The following CHDH variants were observed in gnomAD, a reference collection of about 807,000 sequenced individuals.
The protein encoded by CHDH is choline dehydrogenase, mitochondrial.
Under a neutral mutation model 56.9 loss-of-function variants are expected in CHDH, and 43 were observed. The ratio of observed to expected loss-of-function variants is 0.76; its 90% confidence interval spans 0.59 to 0.97. The LOEUF (loss-of-function observed/expected upper bound fraction) is 0.97. Among genes scored for constraint, CHDH ranks in the 50% least tolerant of loss-of-function variants. CHDH has a pLI of 0.00. For synonymous variants in CHDH, 364 were observed against 348.5 expected (o/e 1.04, Z -0.50); for missense variants, 816 against 821.1 (o/e 0.99, Z 0.08).
At position 53,819,734 on chromosome 3, in the gene CHDH, T is replaced by G. The variant is rs2095622597; in HGVS notation, c.1121-60A>C. On this transcript the variant is annotated intron_variant, in intron 6 of 8. Transcript: ENST00000315251. The surrounding 1 kb of genome is among the most constrained non-coding windows in gnomAD (Gnocchi z 5.4). ...GTCAGGCCGTGGCAGGTGGGCCGGCTGCTCCTGGTTTCCCTCCTTTCTCCT... is the reference window on the plus strand; with the variant it reads ...GTCAGGCCGTGGCAGGTGGGCCGGCGGCTCCTGGTTTCCCTCCTTTCTCCT... 1 of 1,480,526 alleles carries G rather than the reference T, an allele frequency of 6.8e-7. No individual in the cohort carries two copies. The highest frequency in any genetic ancestry group is 1.4e-5 in the African/African-American group (1 of 70,936). The allele number at this position is 1,480,526 out of a possible 1,614,324, so 91.7% of individuals were successfully genotyped here. A position where few individuals can be genotyped will look rare whatever the true frequency, so the allele number is the denominator to read the frequency against.
In CHDH at chr3:53,819,764, G is replaced by C; in HGVS notation, c.1121-90C>G. On this transcript the variant is annotated intron_variant, in intron 6 of 8. Transcript: ENST00000315251. The surrounding 1 kb of genome is among the most constrained non-coding windows in gnomAD (Gnocchi z 5.4). ...CTGGTTTCCCTCCTTTCTCCTGGCC[G>C]CTCCTCTTCCTTTTCCCGGACTCCA... 2.8e-6 allele frequency: 4 copies of C among 1,413,590 alleles called. No individual in the cohort carries two copies. In the South Asian group the frequency reaches 5.9e-5, roughly 21 times the overall value. 87.6% of individuals were successfully genotyped at this position (1,413,590 alleles called of 1,614,324 possible).
intron 2 of CHDH, among the ~76,000 whole-genome samples, chr3:53,825,185 C>T (rs560777713): frequency 6.6e-6 from 1 of 152,302 alleles, no homozygotes; most frequent in South Asian, 2.1e-4. Flanking sequence ...TACTGTTTAC[C>T]TCAGTCTCCA....
In CHDH at chr3:53,820,455, T is replaced by G; in HGVS notation, c.1120+19A>C. 6.2e-7 allele frequency: 1 copy of G among 1,600,956 alleles called. No individual in the cohort carries two copies. The highest frequency in any genetic ancestry group is 8.5e-7 in the Non-Finnish European group (1 of 1,173,626). On this transcript the variant is annotated intron_variant, in intron 6 of 8. Transcript: ENST00000315251. ...GCTTATAGGCAGTCTCCTCCCAGGT[T>G]ACTGGTAAGCGTGCTCACCTGTGAA...
In CHDH at chr3:53,819,794, A is replaced by C. The variant is rs1361877565; in HGVS notation, c.1121-120T>G. 1 of 1,254,468 alleles carries C rather than the reference A, an allele frequency of 8.0e-7. No homozygotes were observed. The highest frequency in any genetic ancestry group is 1.5e-5 in the African/African-American group (1 of 65,666). 77.7% of individuals were successfully genotyped at this position (1,254,468 alleles called of 1,614,324 possible). A position where few individuals can be genotyped will look rare whatever the true frequency, so the allele number is the denominator to read the frequency against. ...TCTTCCTTTTCCCGGACTCCACTCTAGTGCCTGGACCCAAGTCCTGTCCAC... is the reference window on the plus strand; with the variant it reads ...TCTTCCTTTTCCCGGACTCCACTCTCGTGCCTGGACCCAAGTCCTGTCCAC... On this transcript the variant is annotated intron_variant, in intron 6 of 8. Transcript: ENST00000315251. This position sits in a 1 kb window ranked among gnomAD's most constrained non-coding sequence, Gnocchi z 5.4.
rs1159034366 is a variant in CHDH at position 53,814,572 on chromosome 3, G to A, written c.*3205C>T. ...ATGGTATTTTATCTTTAAAAAATCTGTATTGGATCTGATGTTAAGTTGGCT... is the reference window on the plus strand; with the variant it reads ...ATGGTATTTTATCTTTAAAAAATCTATATTGGATCTGATGTTAAGTTGGCT... On this transcript the variant is annotated 3_prime_UTR_variant, in exon 9 of 9. Transcript: ENST00000315251. 6.6e-6 allele frequency: 1 copy of A among 152,164 alleles called. No homozygotes were observed. The highest frequency in any genetic ancestry group is 1.5e-5 in the Non-Finnish European group (1 of 68,030). The allele number at this position is 152,164 out of a possible 1,614,324, so 9.4% of individuals were successfully genotyped here.
Position 53,819,121 on chromosome 3 carries a change from G to C in CHDH, c.1264-81C>G, listed in dbSNP as rs1419330451. ...TCTGTCAACCCTGGTTTACCTGTAG[G>C]GTGGGCCTCTGCTTCCAGAATCAGT... is the stretch of plus-strand genomic sequence containing the variant. On this transcript the variant is annotated intron_variant, in intron 7 of 8. Transcript: ENST00000315251. The surrounding 1 kb of genome is among the most constrained non-coding windows in gnomAD (Gnocchi z 5.4). 11 of 964,782 alleles carry C rather than the reference G, an allele frequency of 1.1e-5. No homozygotes were observed. The highest frequency in any genetic ancestry group is 1.4e-5 in the Non-Finnish European group (9 of 625,644). 59.8% of individuals were successfully genotyped at this position (964,782 alleles called of 1,614,324 possible).
intron 3 of CHDH, among the ~76,000 whole-genome samples, chr3:53,823,051 A>G (rs1334151528): frequency 6.6e-6 from 1 of 152,132 alleles, no homozygotes; most frequent in Non-Finnish European, 1.5e-5. Context: ...CAGAGAGCTG[A>G]TTCTCTGTTA....
In CHDH at chr3:53,821,731, A is replaced by G; in HGVS notation, c.901T>C (p.Ser301Pro). ...CCAGAGAGCATGAGCAGCTGTGGAGAGTTGATGGCACCTCCACTCAGAATC... is the reference window on the plus strand; with the variant it reads ...CCAGAGAGCATGAGCAGCTGTGGAGGGTTGATGGCACCTCCACTCAGAATC... ...EVILSGGAIN[S>P]PQLLMLSGIG... The change falls in exon 5 of 9, where the codon TCT becomes CCT. Residue 301 changes from serine (S) to proline (P), a missense_variant. By Grantham distance (74) the Ser-to-Pro change is moderately conservative. Transcript: ENST00000315251. The G allele has an allele frequency of 1.2e-6, 2 of 1,613,976 alleles. No homozygotes were observed. The highest frequency in any genetic ancestry group is 1.7e-6 in the Non-Finnish European group (2 of 1,179,938).
intron 2 of CHDH, among the ~76,000 whole-genome samples, chr3:53,834,282 C>T (rs193037063): frequency 6.6e-5 from 10 of 152,178 alleles, no homozygotes; most frequent in Non-Finnish European, 1.0e-4. Context: ...CCTGTCTCTA[C>T]TAAAAATACA....
intron 3 of CHDH, 92 bp downstream of exon 3, chr3:53,823,214 G>A: frequency 8.2e-7 from 1 of 1,212,350 alleles, no homozygotes; most frequent in Admixed American, 3.0e-5. Flanking sequence ...TCCTGACCAT[G>A]CTGGAGCCAG....
At position 53,824,077 on chromosome 3, in the gene CHDH, G is replaced by C; in HGVS notation, c.-59-10C>G. On this transcript the variant is annotated splice_polypyrimidine_tract_variant and intron_variant, in intron 2 of 8. Coordinates refer to ENST00000315251, the MANE Select transcript of CHDH (RefSeq NM_018397.5). ...GATGACTCACTTCTCCCTAAAACAGGAAGAGGGGCTTTAAAAATCTTAACT... is the reference window on the plus strand; with the variant it reads ...GATGACTCACTTCTCCCTAAAACAGCAAGAGGGGCTTTAAAAATCTTAACT... 1 of 1,352,154 alleles carries C rather than the reference G, an allele frequency of 7.4e-7. No homozygotes were observed. The highest frequency in any genetic ancestry group is 9.6e-7 in the Non-Finnish European group (1 of 1,040,418). The allele number at this position is 1,352,154 out of a possible 1,614,324, so 83.8% of individuals were successfully genotyped here.
intron 1 of CHDH, 34 bp from the exon 2 acceptor site, chr3:53,841,033 G>C (rs1421792195): frequency 7.0e-6 from 1 of 143,154 alleles, no homozygotes; most frequent in African/African-American, 2.4e-5. Flanking sequence ...AAAAGTCAGA[G>C]GGTAGAAACT....
chr3:53,825,386 G>A (rs763953350), intron 2 of CHDH, among the ~76,000 whole-genome samples: 1 of 152,036 alleles, frequency 6.6e-6, no homozygotes, highest in Non-Finnish European at 1.5e-5. Flanking sequence ...AGATATAGTT[G>A]AAAAGGTGGA....
At chr3:53,842,081 C>T (rs1286820539) in intron 1 of CHDH, among the ~76,000 whole-genome samples, 1 of 151,434 alleles carries the variant, frequency 6.6e-6, no homozygotes, top group Non-Finnish European at 1.5e-5. Context: ...GAGCGGATTG[C>T]ACCACTGCAC....
intron 2 of CHDH, among the ~76,000 whole-genome samples, chr3:53,834,452 CA>C (rs34021192): frequency 6.6e-6 from 1 of 151,560 alleles, no homozygotes; most frequent in South Asian, 2.1e-4. Flanking sequence ...TTCAAAAAAA[CA>C]AAAAAAAGGA....
In CHDH at chr3:53,819,048, A is replaced by T. The variant is rs148243046; in HGVS notation, c.1264-8T>A. The T allele has an allele frequency of 1.6e-3, 2,504 of 1,591,536 alleles. 13 individuals carry two copies. The Middle Eastern group carries it at 0.019, about 12-fold the overall frequency. On this transcript the variant is annotated splice_region_variant and splice_polypyrimidine_tract_variant and intron_variant, in intron 7 of 8. Coordinates refer to ENST00000315251, the MANE Select transcript of CHDH (RefSeq NM_018397.5). This position sits in a 1 kb window ranked among gnomAD's most constrained non-coding sequence, Gnocchi z 5.4. ...CATGGGCCCCACATGTACCTAGAAG[A>T]ACACAGAGGAAGCAGTGACGGTCCC... is the stretch of plus-strand genomic sequence containing the variant.
Position 53,817,970 on chromosome 3 carries a change from T to C in CHDH, c.1592A>G (p.Gln531Arg). 1 of 1,614,190 alleles carries C rather than the reference T, an allele frequency of 6.2e-7. No homozygotes were observed. The highest frequency in any genetic ancestry group is 8.5e-7 in the Non-Finnish European group (1 of 1,180,042). Reference protein sequence around the residue: ...PSDPTAVVDPQTRVLGVENLR... With the variant: ...PSDPTAVVDPRTRVLGVENLR... ...GTTTTCCACCCCGAGGACCCTTGTCTGCGGATCCACCACGGCAGTGGGATC... is the reference window on the plus strand; with the variant it reads ...GTTTTCCACCCCGAGGACCCTTGTCCGCGGATCCACCACGGCAGTGGGATC... The change falls in exon 9 of 9, where the codon CAG (glutamine) becomes CGG (arginine). Residue 531 changes from glutamine (Q) to arginine (R), a missense_variant. Gln to Arg is a conservative substitution (Grantham distance 43). Coordinates refer to ENST00000315251, the MANE Select transcript of CHDH (RefSeq NM_018397.5).
chr3:53,842,033 G>A (rs778929868), intron 1 of CHDH, among the ~76,000 whole-genome samples: 2 of 151,776 alleles, frequency 1.3e-5, no homozygotes, highest in African/African-American at 2.4e-5. Flanking sequence ...GTGTGCACCT[G>A]TAGTCCCAGC....
chr3:53,822,794 G>C, intron 3 of CHDH, 152 bp from the exon 4 acceptor site: 2 of 1,045,494 alleles, frequency 1.9e-6, no homozygotes, highest in Non-Finnish European at 2.7e-6. Flanking sequence ...GACCCTGCAA[G>C]ACCCTGCCCT....
Sources: gnomAD v4.1 joint callset for allele counts (sites outside exome capture counted in the v4.1 genomes callset) on GRCh38, gnomAD v4.1.1 for gene constraint, Gnocchi (gnomAD v3.1) non-coding constraint, MANE v1.5 for transcripts, NCBI Gene and HGNC (gene_info 2026-07-23, HGNC 2026-07-21) for gene names.